Variants in DPH6 observed in about 807,000 individuals in gnomAD.
DPH6 encodes diphthamine biosynthesis 6.
A neutral mutation model predicts 38.2 loss-of-function variants in DPH6; 33 were observed. That is an observed-to-expected ratio of 0.86 (90% CI 0.65 to 1.15). DPH6 has a LOEUF of 1.15. Among genes scored for constraint, DPH6 ranks in the 50% most tolerant of loss-of-function variants. DPH6 has a pLI of 0.00. For synonymous variants in DPH6, 108 were observed against 103.0 expected, an observed-to-expected ratio of 1.05 and a Z score of -0.30; for missense variants, 325 against 320.0, an observed-to-expected ratio of 1.02 and a Z score of -0.12.
At chr15:35,236,259 A>G (rs926281880) in intron 3 of DPH6, among the ~76,000 whole-genome samples, 28 of 152,240 alleles carry the variant, frequency 1.8e-4, no homozygotes, top group African/African-American at 6.8e-4. Flanking sequence ...TTCAGATAGG[A>G]ATAATTTAGT....
chr15:35,163,056 T>C, the DPH6 span, among the ~76,000 whole-genome samples: 1 of 151,788 alleles, frequency 6.6e-6, no homozygotes, highest in Non-Finnish European at 1.5e-5. Flanking sequence ...CAAAACTGCA[T>C]TTGCTTTCTG....
chr15:35,450,129 G>C (rs1437993332), intron 5 of DPH6, among the ~76,000 whole-genome samples: 1 of 152,064 alleles, frequency 6.6e-6, no homozygotes, highest in Admixed American at 6.6e-5. Flanking sequence ...CCACCTGCCT[G>C]CTGTGTCTAT....
At chr15:35,275,933 T>A (rs2140431440) in intron 3 of DPH6, among the ~76,000 whole-genome samples, 1 of 152,166 alleles carries the variant, frequency 6.6e-6, no homozygotes, top group South Asian at 2.1e-4. Flanking sequence ...CTTTTTTGAA[T>A]AATGGCTTCT....
At chr15:35,368,350 C>T (rs2052679052), downstream of DPH6, among the ~76,000 whole-genome samples, 2 of 151,640 alleles carry the variant, frequency 1.3e-5, no homozygotes, top group Non-Finnish European at 3.0e-5. Flanking sequence ...CAGGGGAATC[C>T]TAGGAGCAAG....
At chr15:35,441,360 T>A (rs147574758) in intron 5 of DPH6, among the ~76,000 whole-genome samples, 2 of 152,078 alleles carry the variant, frequency 1.3e-5, no homozygotes, top group African/African-American at 4.8e-5. Context: ...CACATGCACA[T>A]GTATGTTTAC....
chr15:35,473,806 T>C (rs1026960431), intron 3 of DPH6, among the ~76,000 whole-genome samples: 1 of 151,920 alleles, frequency 6.6e-6, no homozygotes, highest in Non-Finnish European at 1.5e-5. Flanking sequence ...TATATACATA[T>C]AATGGACTAC....
chr15:35,418,148 CG>C, intron 5 of DPH6, among the ~76,000 whole-genome samples: 1 of 152,112 alleles, frequency 6.6e-6, no homozygotes. Context: ...AAAATCCCAG[CG>C]GTCAGTACAA....
chr15:35,158,158 T>C, the DPH6 span, among the ~76,000 whole-genome samples: 1 of 152,090 alleles, frequency 6.6e-6, no homozygotes, highest in Non-Finnish European at 1.5e-5. Context: ...GCCAATTCTT[T>C]ATTGTATGCC....
chr15:35,365,256 A>C (rs2052647575), intron 3 of DPH6, among the ~76,000 whole-genome samples: 1 of 152,088 alleles, frequency 6.6e-6, no homozygotes, highest in Non-Finnish European at 1.5e-5. Context: ...TTTCTCATGA[A>C]CACATCTAAT....
Position 35,241,255 on chromosome 15 carries a change from C to A in DPH6, n.201-20673G>T, listed in dbSNP as rs1595442530. Reference sequence around the variant, plus strand: ...CTTAGCAGCTGAAGACTGACACTGCCCGATCGCCTCGGAAGCCCCCTAGAC... The same window carrying A: ...CTTAGCAGCTGAAGACTGACACTGCACGATCGCCTCGGAAGCCCCCTAGAC... On this transcript the variant is annotated intron_variant and non_coding_transcript_variant, in intron 3 of 3. Transcript: ENST00000560386. 7.0e-5 allele frequency among the ~76,000 whole-genome samples: 10 copies of A among 143,544 alleles called. 2 individuals carry two copies. The South Asian group carries it at 2.4e-3, about 35-fold the overall frequency. 94.2% of individuals were successfully genotyped at this position (143,544 alleles called of 152,430 possible).
intron 6 of DPH6, among the ~76,000 whole-genome samples, chr15:35,388,404 T>C (rs966817857): frequency 1.3e-5 from 2 of 152,232 alleles, no homozygotes; most frequent in Non-Finnish European, 2.9e-5. Context: ...TTGGAATAGT[T>C]TCAGAAGGAA....
At chr15:35,435,209 C>A (rs1283109149) in intron 5 of DPH6, among the ~76,000 whole-genome samples, 1 of 152,150 alleles carries the variant, frequency 6.6e-6, no homozygotes, top group African/African-American at 2.4e-5. Flanking sequence ...AACATTAAAT[C>A]AAGTTTAGTC....
chr15:35,543,778 A>G (rs2141576596), intron 1 of DPH6, among the ~76,000 whole-genome samples: 1 of 152,298 alleles, frequency 6.6e-6, no homozygotes, highest in African/African-American at 2.4e-5. Context: ...TCCTCTCTTC[A>G]GGTTCGGTAT....
chr15:35,428,376 C>A (rs1435814525), intron 5 of DPH6, among the ~76,000 whole-genome samples: 9 of 151,954 alleles, frequency 5.9e-5, no homozygotes, highest in Admixed American at 5.9e-4. Flanking sequence ...AATCTTCATC[C>A]TTTAAGGGTG....
At chr15:35,501,523 G>C (rs2054627496) in intron 3 of DPH6, among the ~76,000 whole-genome samples, 1 of 152,066 alleles carries the variant, frequency 6.6e-6, no homozygotes, top group Non-Finnish European at 1.5e-5. Context: ...TAAAGGCTTG[G>C]TCTCTGTTAT....
chr15:35,454,027 A>C (rs1356690452), intron 4 of DPH6, among the ~76,000 whole-genome samples: 1 of 152,086 alleles, frequency 6.6e-6, no homozygotes, highest in Non-Finnish European at 1.5e-5. Context: ...AATCTCTATA[A>C]AATATTATAT....
intron 3 of DPH6, among the ~76,000 whole-genome samples, chr15:35,481,211 C>T (rs1054834403): frequency 6.6e-6 from 1 of 151,862 alleles, no homozygotes; most frequent in African/African-American, 2.4e-5. Context: ...TGTGGTATAC[C>T]GCATTCTACA....
chr15:35,499,709 G>A (rs958718272), intron 3 of DPH6, among the ~76,000 whole-genome samples: 2 of 152,202 alleles, frequency 1.3e-5, no homozygotes, highest in Non-Finnish European at 1.5e-5. Context: ...GGAAATACTA[G>A]TTCCAGCAGC....
At chr15:35,299,018 T>C (rs747204993) in intron 3 of DPH6, 22 of 733,424 alleles carry the variant, frequency 3.0e-5, no homozygotes, top group Non-Finnish European at 4.7e-5. Context: ...AAAACTCACG[T>C]GCATCATGTC....
Sources: allele counts gnomAD v4.1 joint callset (sites outside exome capture counted in the v4.1 genomes callset), GRCh38; gene constraint gnomAD v4.1.1; transcripts MANE v1.5; gene names NCBI Gene and HGNC (gene_info 2026-07-23, HGNC 2026-07-21).